NBEA: variants seen among roughly 807,000 people sequenced by gnomAD.
NBEA encodes the protein neurobeachin, also known as lysosomal-trafficking regulator 2.
A neutral mutation model predicts 343.4 loss-of-function variants in NBEA; 44 were observed. The observed-to-expected ratio is 0.13, with a 90% CI of 0.10 to 0.16. NBEA has a LOEUF of 0.16. NBEA is among the 10% of genes least tolerant of loss of function. The probability of loss-of-function intolerance (pLI) is 1.00; values close to 1 mark genes in which losing one functional copy is unlikely to be tolerated. For synonymous variants in NBEA, 1,175 were observed against 1,238.7 expected (o/e 0.95, Z 1.08); for missense variants, 2,555 against 3,631.3 (o/e 0.70, Z 7.62).
chr13:35,100,737 T>A (rs2065602734), intron 11 of NBEA, among the ~76,000 whole-genome samples: 1 of 152,036 alleles, frequency 6.6e-6, no homozygotes, highest in African/African-American at 2.4e-5. Context: ...AAATATTTCA[T>A]TGTGGTTTTA....
chr13:35,309,380 A>G (rs1418177764), intron 35 of NBEA, 148 bp from the exon 36 acceptor site: 1 of 574,940 alleles, frequency 1.7e-6, no homozygotes, highest in Non-Finnish European at 3.1e-6. Flanking sequence ...GATTTTTTAC[A>G]AAATAATATT....
At chr13:35,182,030 A>G (rs1163281257) in intron 28 of NBEA, among the ~76,000 whole-genome samples, 1 of 151,576 alleles carries the variant, frequency 6.6e-6, no homozygotes, top group Non-Finnish European at 1.5e-5. Flanking sequence ...TATTCTTTTC[A>G]ACTTTGTGCC....
chr13:35,020,855 T>C (rs928372999), intron 1 of NBEA, among the ~76,000 whole-genome samples: 8 of 152,030 alleles, frequency 5.3e-5, no homozygotes, highest in Non-Finnish European at 8.8e-5. Context: ...TTTTTTTATA[T>C]GGGGGGAGGT....
At chr13:35,305,066 A>T (rs571496448) in intron 35 of NBEA, among the ~76,000 whole-genome samples, 1 of 152,294 alleles carries the variant, frequency 6.6e-6, no homozygotes, top group Admixed American at 6.5e-5. Flanking sequence ...GCCATATCAC[A>T]GTTTTAAGTG....
chr13:35,238,277 A>T (rs754026922), intron 34 of NBEA, among the ~76,000 whole-genome samples: 22 of 152,328 alleles, frequency 1.4e-4, no homozygotes, highest in Non-Finnish European at 2.8e-4. Flanking sequence ...AAAGTCTCAT[A>T]TGTGTCCAAG....
chr13:35,196,907 A>T (rs2072649903), intron 31 of NBEA, among the ~76,000 whole-genome samples: 1 of 152,150 alleles, frequency 6.6e-6, no homozygotes, highest in Non-Finnish European at 1.5e-5. Context: ...AGGTATCGAA[A>T]CTATTTATAA....
chr13:35,184,367 G>A (rs113729468), intron 30 of NBEA, among the ~76,000 whole-genome samples: 1 of 151,904 alleles, frequency 6.6e-6, no homozygotes, highest in East Asian at 1.9e-4. Flanking sequence ...TTAGTAGTGG[G>A]ACTAAATGAG....
At chr13:35,170,076 T>C (rs1340515367) in intron 25 of NBEA, among the ~76,000 whole-genome samples, 3 of 151,802 alleles carry the variant, frequency 2.0e-5, no homozygotes, top group African/African-American at 7.2e-5. Context: ...CTTAGTTATA[T>C]AATGCTTGTA....
chr13:35,591,793 T>C (rs1050959638), intron 46 of NBEA, among the ~76,000 whole-genome samples: 1 of 152,030 alleles, frequency 6.6e-6, no homozygotes, highest in Non-Finnish European at 1.5e-5. Context: ...TGTACATACA[T>C]ACAAAGGAAT....
chr13:35,131,091 A>G (rs771470583), intron 17 of NBEA, among the ~76,000 whole-genome samples: 1 of 152,234 alleles, frequency 6.6e-6, no homozygotes, highest in South Asian at 2.1e-4. Context: ...CAGCCTAAGA[A>G]GGCAAAAGAA....
At chr13:35,017,104 C>A (rs995677549) in intron 1 of NBEA, among the ~76,000 whole-genome samples, 1 of 151,910 alleles carries the variant, frequency 6.6e-6, no homozygotes, top group South Asian at 2.1e-4. Flanking sequence ...CTAAAAAGAT[C>A]ATCTGCCGCA....
intron 49 of NBEA, among the ~76,000 whole-genome samples, chr13:35,642,400 T>C (rs990861699): frequency 1.2e-4 from 18 of 152,212 alleles, no homozygotes; most frequent in African/African-American, 4.1e-4. Context: ...TGAAGTTGGA[T>C]TGATGGACAT....
intron 34 of NBEA, among the ~76,000 whole-genome samples, chr13:35,234,026 C>G (rs919256584): frequency 7.9e-5 from 12 of 152,104 alleles, no homozygotes; most frequent in African/African-American, 2.7e-4. Context: ...AGAGAATAGT[C>G]AGTACATTGG....
chr13:35,424,352 A>C (rs541392894), intron 38 of NBEA, among the ~76,000 whole-genome samples: 82 of 152,322 alleles, frequency 5.4e-4, no homozygotes, highest in African/African-American at 1.9e-3. Context: ...GAGAGTTTTT[A>C]GCATGAAGGT....
At chr13:35,115,034 A>G (rs1308860231) in intron 13 of NBEA, among the ~76,000 whole-genome samples, 1 of 152,070 alleles carries the variant, frequency 6.6e-6, no homozygotes, top group African/African-American at 2.4e-5. Flanking sequence ...TGTCTCTTAA[A>G]TTATTATTAT....
chr13:35,476,658 A>AT, intron 41 of NBEA: 1 of 573,018 alleles, frequency 1.7e-6, no homozygotes, highest in Non-Finnish European at 2.7e-6. Context: ...GTGCGTGTGT[A>AT]TATGTCAGAA....
intron 34 of NBEA, among the ~76,000 whole-genome samples, chr13:35,259,535 A>T (rs186857917): frequency 1.3e-3 from 202 of 152,278 alleles, no homozygotes; most frequent in African/African-American, 4.8e-3. Context: ...GTTTTTGTAA[A>T]TGATAGATTC....
rs1187688071 is a variant in NBEA, at chr13:35,600,012, G to GTAA, written c.7297-6414_7297-6413insTAA. Among the ~76,000 whole-genome samples, 44 of 152,146 alleles carry GTAA rather than the reference G, an allele frequency of 2.9e-4. 1 individual carries two copies. The highest frequency in any genetic ancestry group is 1.0e-3 in the African/African-American group (42 of 41,446). ...ATATGATTAAGTGTAAAGTTTGTTT[G>GTAA]AGCTCAAAGCTTGAGAATGGTCACC... On this transcript the variant is annotated intron_variant, in intron 47 of 58. Coordinates refer to ENST00000379939, the MANE Select transcript of NBEA (RefSeq NM_001385012.1).
In NBEA at chr13:35,428,889, C is replaced by T. The variant is rs141016495; in HGVS notation, c.6180-3380C>T. 5.6e-4 allele frequency among the ~76,000 whole-genome samples: 85 copies of T among 152,202 alleles called. 1 individual carries two copies. Among genetic ancestry groups the T allele is most frequent in the African/African-American group, 1.9e-3 (77 of 41,528 alleles). On this transcript the variant is annotated intron_variant, in intron 38 of 58. Transcript: ENST00000379939. ...GCTTCATCTGGAAGTGGGGACACTG[C>T]CTTATATCTGCTAGATGGTGGTAGA...
Sources: gnomAD v4.1 joint callset for allele counts (sites outside exome capture counted in the v4.1 genomes callset) on GRCh38, gnomAD v4.1.1 for gene constraint, MANE v1.5 for transcripts, NCBI Gene and HGNC (gene_info 2026-07-23, HGNC 2026-07-21) for gene names.